DDX10: variants seen among roughly 807,000 people sequenced by gnomAD.
DDX10 encodes the protein probable ATP-dependent RNA helicase DDX10.
A neutral mutation model predicts 104.3 loss-of-function variants in DDX10; 74 were observed. That is an observed-to-expected ratio of 0.71 (90% CI 0.59 to 0.86). The LOEUF is 0.86. DDX10 is among the 40% of genes least tolerant of loss of function. DDX10 has a pLI of 0.00. For synonymous variants in DDX10, 351 were observed against 353.4 expected (o/e 0.99, Z 0.08); for missense variants, 952 against 1,040.0 (o/e 0.92, Z 1.16).
chr11:108,805,779 G>C (rs1302921507), intron 13 of DDX10, among the ~76,000 whole-genome samples: 4 of 152,144 alleles, frequency 2.6e-5, no homozygotes, highest in Admixed American at 6.5e-5. Flanking sequence ...ACAATTGATA[G>C]ATGCTTTAAT....
chr11:108,737,054 CAT>C (rs931693259), intron 13 of DDX10, among the ~76,000 whole-genome samples: 2 of 152,118 alleles, frequency 1.3e-5, no homozygotes, highest in Admixed American at 1.3e-4. Context: ...GCATCTTTCA[CAT>C]GTTAGGCACT....
chr11:108,884,057 A>G (rs1049774156), intron 16 of DDX10, among the ~76,000 whole-genome samples: 3 of 152,084 alleles, frequency 2.0e-5, no homozygotes, highest in African/African-American at 7.2e-5. Context: ...TCCAATGTTG[A>G]TGAACCCTAA....
chr11:108,827,575 C>T (rs1334840930), intron 13 of DDX10, among the ~76,000 whole-genome samples: 7 of 152,118 alleles, frequency 4.6e-5, no homozygotes, highest in Non-Finnish European at 7.4e-5. Flanking sequence ...AAAAATCCTA[C>T]GAGACTTCTT....
intron 13 of DDX10, among the ~76,000 whole-genome samples, chr11:108,736,540 A>G (rs961357204): frequency 1.3e-5 from 2 of 152,090 alleles, no homozygotes; most frequent in South Asian, 2.1e-4. Flanking sequence ...CAAAATTTGA[A>G]TGTTGTCAGT....
chr11:108,725,478 G>A (rs1046352723), intron 13 of DDX10, among the ~76,000 whole-genome samples: 3 of 152,052 alleles, frequency 2.0e-5, no homozygotes, highest in African/African-American at 7.2e-5. Flanking sequence ...TCAGCACATG[G>A]TATTGTCAGT....
At chr11:108,865,497 T>G (rs1026975341) in intron 16 of DDX10, among the ~76,000 whole-genome samples, 1 of 152,174 alleles carries the variant, frequency 6.6e-6, no homozygotes, top group Non-Finnish European at 1.5e-5. Context: ...ACTAACCATT[T>G]CGGTAGAAAG....
At chr11:108,671,258 G>C (rs1468798450) in intron 1 of DDX10, among the ~76,000 whole-genome samples, 1 of 152,174 alleles carries the variant, frequency 6.6e-6, no homozygotes, top group Non-Finnish European at 1.5e-5. Flanking sequence ...CTGCCTCCTG[G>C]GTTCAAACGA....
chr11:108,766,224 C>G (rs951995513), intron 13 of DDX10, among the ~76,000 whole-genome samples: 4 of 152,116 alleles, frequency 2.6e-5, no homozygotes, highest in African/African-American at 9.7e-5. Context: ...AGCAGTTTTC[C>G]TTAGGAAGAA....
chr11:108,669,716 C>T (rs1395175165), intron 1 of DDX10, among the ~76,000 whole-genome samples: 2 of 152,204 alleles, frequency 1.3e-5, no homozygotes, highest in East Asian at 1.9e-4. Flanking sequence ...TAAAGTAGGG[C>T]GATTATCCTG....
At chr11:108,895,595 T>C (rs892881132) in intron 16 of DDX10, among the ~76,000 whole-genome samples, 6 of 152,106 alleles carry the variant, frequency 3.9e-5, no homozygotes, top group African/African-American at 1.4e-4. Context: ...ACTGGGATTT[T>C]TGAAAGATGT....
At chr11:108,747,267 T>C (rs1215485075) in intron 13 of DDX10, among the ~76,000 whole-genome samples, 1 of 152,136 alleles carries the variant, frequency 6.6e-6, no homozygotes, top group Non-Finnish European at 1.5e-5. Context: ...GTTTGGTCAA[T>C]ATGTAAATTA....
chr11:108,701,675 C>CTTTTTTTTTTTTTTTTTT (rs55916940), intron 9 of DDX10, among the ~76,000 whole-genome samples: 35 of 77,424 alleles, frequency 4.5e-4, no homozygotes, highest in Admixed American at 1.3e-3. Context: ...TTCTTCTTCT[C>CTTTTTTTTTTTTTTTTTT]TTTTTTTTTT....
intron 13 of DDX10, among the ~76,000 whole-genome samples, chr11:108,738,909 A>G (rs1272638048): frequency 6.6e-6 from 1 of 152,152 alleles, no homozygotes; most frequent in African/African-American, 2.4e-5. Context: ...ACATGGAGAC[A>G]GGCCTGGGTT....
intron 15 of DDX10, among the ~76,000 whole-genome samples, chr11:108,846,822 C>CCAGACCAGACCAGAG (rs1555032940): frequency 2.1e-5 from 3 of 142,406 alleles, no homozygotes; most frequent in African/African-American, 7.4e-5. Flanking sequence ...AGAGTACAAA[C>CCAGACCAGACCAGAG]CAGACCAGAC....
chr11:108,724,134 C>T, intron 13 of DDX10, among the ~76,000 whole-genome samples: 1 of 151,990 alleles, frequency 6.6e-6, no homozygotes, highest in Non-Finnish European at 1.5e-5. Flanking sequence ...TATTCTTGAT[C>T]ATCTTTTTAA....
intron 16 of DDX10, among the ~76,000 whole-genome samples, chr11:108,901,256 C>T (rs1246852550): frequency 1.3e-5 from 2 of 152,160 alleles, no homozygotes; most frequent in Admixed American, 1.3e-4. Flanking sequence ...CCTTACCATG[C>T]GTACATCATG....
chr11:108,827,685 A>G (rs1862414024), intron 13 of DDX10, among the ~76,000 whole-genome samples: 1 of 152,046 alleles, frequency 6.6e-6, no homozygotes, highest in Admixed American at 6.5e-5. Flanking sequence ...CCTTGTATCT[A>G]TTGTACCCTT....
intron 13 of DDX10, among the ~76,000 whole-genome samples, chr11:108,797,508 T>C (rs1861961479): frequency 6.6e-6 from 1 of 152,180 alleles, no homozygotes; most frequent in Non-Finnish European, 1.5e-5. Flanking sequence ...ACAAAATAGA[T>C]AAATGATTTA....
At chr11:108,687,889 T>C (rs2094246776) in intron 6 of DDX10, among the ~76,000 whole-genome samples, 1 of 152,238 alleles carries the variant, frequency 6.6e-6, no homozygotes. Context: ...CTTTTTTCTT[T>C]CACTGTAAAC....
Sources: allele counts gnomAD v4.1 joint callset (sites outside exome capture counted in the v4.1 genomes callset), GRCh38; gene constraint gnomAD v4.1.1; transcripts MANE v1.5; gene names NCBI Gene and HGNC (gene_info 2026-07-23, HGNC 2026-07-21).